ZNF718: variants seen among roughly 807,000 people sequenced by gnomAD.
ZNF718 encodes the protein zinc finger protein 718.
ZNF718 carries 3 observed loss-of-function variants against 2.6 expected under a neutral mutation model. The observed-to-expected ratio is 1.16, with a 90% confidence interval of 0.53 to 3.01. ZNF718 has a LOEUF of 3.01. ZNF718 is among the 30% of genes most tolerant of loss of function. The probability of loss-of-function intolerance (pLI) is 0.03; values close to 1 mark genes in which losing one functional copy is unlikely to be tolerated. For synonymous variants in ZNF718, 135 were observed against 77.9 expected, an observed-to-expected ratio of 1.73 and a Z score of -3.86; for missense variants, 468 against 230.0, an observed-to-expected ratio of 2.03 and a Z score of -6.69.
At chr4:185,789 C>G (rs1717554895) in intron 3 of ZNF718, among the ~76,000 whole-genome samples, 1 of 152,128 alleles carries the variant, frequency 6.6e-6, no homozygotes, top group Non-Finnish European at 1.5e-5. Flanking sequence ...GGTTTAAAGT[C>G]TGTTTTATCA....
intron 3 of ZNF718, among the ~76,000 whole-genome samples, chr4:189,627 A>G (rs1717653939): frequency 6.6e-6 from 1 of 152,170 alleles, no homozygotes; most frequent in Non-Finnish European, 1.5e-5. Context: ...TTTTTCTAGT[A>G]TAGTTTTCTG....
At chr4:148,574 A>G (rs1553811841) in intron 3 of ZNF718, among the ~76,000 whole-genome samples, 2 of 144,878 alleles carry the variant, frequency 1.4e-5, no homozygotes, top group Non-Finnish European at 3.0e-5. Context: ...ACGCCATTGC[A>G]CTCTGCAGCC....
intron 3 of ZNF718, among the ~76,000 whole-genome samples, chr4:138,495 A>G (rs1715672421): frequency 6.6e-6 from 1 of 152,112 alleles, no homozygotes; most frequent in African/African-American, 2.4e-5. Flanking sequence ...GTACTCTGTT[A>G]TGTATGTGCA....
At chr4:192,703 C>T (rs1488102983) in intron 3 of ZNF718, among the ~76,000 whole-genome samples, 1 of 152,186 alleles carries the variant, frequency 6.6e-6, no homozygotes, top group Non-Finnish European at 1.5e-5. Flanking sequence ...CAGGGGCTAG[C>T]AGGCCAGTCC....
rs564859262 is a variant in ZNF718, at chr4:148,366, C to T, written c.227-12546C>T. On this transcript the variant is annotated intron_variant, in intron 3 of 3. Coordinates refer to ENST00000510175, the MANE Select transcript of ZNF718 (RefSeq NM_001039127.6). The stretch of plus-strand genomic sequence containing the variant: ...ACTCACATCTGTAATCCCTGCACTT[C>T]GGGAGGCCAAGGTGGGCGGACCACC... Among the ~76,000 whole-genome samples the T allele has an allele frequency of 1.3e-4, 19 of 151,936 alleles. No homozygotes were observed. In the South Asian group the frequency reaches 2.3e-3, roughly 18 times the overall value.
chr4:164,626 T>C (rs925126016), downstream of ZNF718, among the ~76,000 whole-genome samples: 3 of 152,186 alleles, frequency 2.0e-5, no homozygotes, highest in African/African-American at 7.2e-5. Context: ...TAAAATTTAG[T>C]AGAGCCCACA....
At chr4:143,251 G>A (rs143059831) in intron 3 of ZNF718, among the ~76,000 whole-genome samples, 1,959 of 152,290 alleles carry the variant, frequency 0.013, 22 homozygotes, top group South Asian at 0.036. Context: ...GAGTGCAGTG[G>A]TGTAATCTTG....
chr4:189,630 G>GT (rs1454756054), intron 3 of ZNF718, among the ~76,000 whole-genome samples: 31 of 152,042 alleles, frequency 2.0e-4, no homozygotes, highest in Admixed American at 1.5e-3. Context: ...TTCTAGTATA[G>GT]TTTTCTGGCT....
At chr4:183,557 T>C (rs975281552) in intron 3 of ZNF718, among the ~76,000 whole-genome samples, 7 of 152,234 alleles carry the variant, frequency 4.6e-5, no homozygotes, top group African/African-American at 1.7e-4. Flanking sequence ...GGTAGTTTAA[T>C]GGGAATAGCA....
chr4:137,315 G>C (rs1246849133), intron 3 of ZNF718, among the ~76,000 whole-genome samples: 2 of 152,134 alleles, frequency 1.3e-5, no homozygotes, highest in Admixed American at 1.3e-4. Context: ...TATTGCTGCA[G>C]TAAACATGGA....
intron 3 of ZNF718, among the ~76,000 whole-genome samples, chr4:139,116 C>T (rs1715700696): frequency 6.6e-6 from 1 of 152,132 alleles, no homozygotes; most frequent in Admixed American, 6.5e-5. Context: ...TGTTTAGAAG[C>T]TCGTTAACTG....
At chr4:146,081 A>G (rs1446242741) in intron 3 of ZNF718, among the ~76,000 whole-genome samples, 1 of 141,234 alleles carries the variant, frequency 7.1e-6, no homozygotes, top group South Asian at 2.1e-4. Flanking sequence ...AGCCTTCTAT[A>G]TATATATATA....
intron 3 of ZNF718, among the ~76,000 whole-genome samples, chr4:141,222 T>C (rs1367452581): frequency 1.3e-5 from 2 of 152,190 alleles, no homozygotes; most frequent in African/African-American, 2.4e-5. Context: ...AATAGTTATC[T>C]AAAAGTTGGT....
At chr4:124,754 T>G in intron 1 of ZNF718, 81 bp downstream of exon 1, 1 of 1,570,392 alleles carries the variant, frequency 6.4e-7, no homozygotes. Context: ...GGGAGGAGTC[T>G]GTGAATGGAG....
At chr4:184,924 T>C (rs1717537706) in intron 3 of ZNF718, among the ~76,000 whole-genome samples, 1 of 152,124 alleles carries the variant, frequency 6.6e-6, no homozygotes, top group South Asian at 2.1e-4. Flanking sequence ...TAGCTAGAAG[T>C]CTATTTTATT....
intron 3 of ZNF718, among the ~76,000 whole-genome samples, chr4:158,799 TG>T (rs1716690601): frequency 6.6e-6 from 1 of 151,902 alleles, no homozygotes. Context: ...TATTTTTGTA[TG>T]TGCATATCTT....
rs573326790 is a variant in ZNF718, at chr4:145,297, TTTAA to T, written c.226+13795_226+13798del. ...TCTGACCAGTTAGTAGTTTCTGTGT[TTTAA>T]TTCTTTCATGCTTTCTTCCCTTGCG... On this transcript the variant is annotated intron_variant, in intron 3 of 3. Coordinates refer to ENST00000510175, the MANE Select transcript of ZNF718 (RefSeq NM_001039127.6). Among the ~76,000 whole-genome samples, 4 of 152,324 alleles carry T rather than the reference TTTAA, an allele frequency of 2.6e-5. No individual in the cohort carries two copies. The South Asian group carries it at 8.3e-4, about 32-fold the overall frequency.
intron 3 of ZNF718, among the ~76,000 whole-genome samples, chr4:138,017 C>G (rs907644704): frequency 3.3e-5 from 5 of 152,096 alleles, no homozygotes; most frequent in African/African-American, 4.8e-5. Context: ...TTTATGAGTA[C>G]ACAGTAGCTT....
Position 129,540 on chromosome 4 carries a change from A to G in ZNF718, c.4-1248A>G, listed in dbSNP as rs1715303731. On this transcript the variant is annotated intron_variant, in intron 1 of 3. Coordinates refer to ENST00000510175, the MANE Select transcript of ZNF718 (RefSeq NM_001039127.6). ...ATTTCCTGATACCCAAAAGCAGATA[A>G]ATGAGGAAAAGCAATATACTTTTGT... 1.9e-5 allele frequency among the ~76,000 whole-genome samples: 2 copies of G among 104,496 alleles called. 1 individual carries two copies. The highest frequency in any genetic ancestry group is 5.9e-4 in the South Asian group (2 of 3,414). The allele number at this position is 104,496 out of a possible 152,430, so 68.6% of individuals were successfully genotyped here.
Sources: allele counts gnomAD v4.1 joint callset (sites outside exome capture counted in the v4.1 genomes callset), GRCh38; gene constraint gnomAD v4.1.1; transcripts MANE v1.5; gene names NCBI Gene and HGNC (gene_info 2026-07-23, HGNC 2026-07-21).